Variants in BICC1 observed in about 807,000 individuals in gnomAD.
The protein encoded by BICC1 is protein bicaudal C homolog 1.
BICC1 carries 43 observed loss-of-function variants against 111.0 expected under a neutral mutation model. That is an observed-to-expected ratio of 0.39 (90% CI 0.30 to 0.50). BICC1 has a LOEUF of 0.50. Ranked by LOEUF, BICC1 falls within the 20% of genes least tolerant of loss-of-function variation. The pLI is 0.88. For synonymous variants in BICC1, 467 were observed against 434.4 expected (o/e 1.07, Z -0.93); for missense variants, 1,091 against 1,203.2 (o/e 0.91, Z 1.38).
chr10:58,627,289 T>G lies in BICC1; in HGVS notation c.237+6388T>G, dbSNP rs571096659. 5.9e-5 allele frequency among the ~76,000 whole-genome samples: 9 copies of G among 152,314 alleles called. No homozygotes were observed. The South Asian group carries it at 1.9e-3, about 32-fold the overall frequency. ...GAAATTGAATTCATGAAAATAGGTC[T>G]TTTAAGAAGGGTCACAAGACAGGAC... On this transcript the variant is annotated intron_variant, in intron 2 of 20. Transcript: ENST00000373886.
intron 2 of BICC1, among the ~76,000 whole-genome samples, chr10:58,626,930 C>T (rs528995345): frequency 1.3e-3 from 200 of 152,222 alleles, no homozygotes; most frequent in African/African-American, 4.6e-3. Flanking sequence ...CATGGAGAAA[C>T]CCCGTCTCTG....
chr10:58,750,337 T>C (rs997714688), intron 3 of BICC1, among the ~76,000 whole-genome samples: 2 of 152,136 alleles, frequency 1.3e-5, no homozygotes, highest in African/African-American at 2.4e-5. Flanking sequence ...TAATCTGGAT[T>C]ATATTTATAC....
chr10:58,707,774 C>T (rs1015361407), intron 3 of BICC1, among the ~76,000 whole-genome samples: 23 of 151,824 alleles, frequency 1.5e-4, no homozygotes, highest in Non-Finnish European at 2.1e-4. Context: ...CTCGGCTCAC[C>T]GCAACCTCCA....
At chr10:58,794,669 C>T (rs1843294888) in intron 9 of BICC1, among the ~76,000 whole-genome samples, 1 of 152,264 alleles carries the variant, frequency 6.6e-6, no homozygotes, top group African/African-American at 2.4e-5. Context: ...ATCCACCCAC[C>T]ACAGCCTCCC....
At chr10:58,583,380 C>T (rs1358363030) in intron 1 of BICC1, among the ~76,000 whole-genome samples, 1 of 152,074 alleles carries the variant, frequency 6.6e-6, no homozygotes, top group East Asian at 1.9e-4. Flanking sequence ...CACCCTTCCC[C>T]TCGAGTCCCC....
chr10:58,787,059 A>C lies in BICC1; in HGVS notation c.524A>C (p.Asn175Thr). Residue 175 changes from asparagine (N) to threonine (T), a missense_variant, in exon 5 of 21, where the codon AAC becomes ACC. Coordinates refer to ENST00000373886, the MANE Select transcript of BICC1 (RefSeq NM_001080512.3). ...CACTTTCCAGATTCCAACAGGAATA[A>C]CCAAGCAGAAAAAAGCAACCAGGTG... Reference protein sequence around the residue: ...HIHFPDSNRNNQAEKSNQVSI... With the variant: ...HIHFPDSNRNTQAEKSNQVSI... 1 of 1,589,282 alleles carries C rather than the reference A, an allele frequency of 6.3e-7. No homozygotes were observed. The highest frequency in any genetic ancestry group is 8.5e-7 in the Non-Finnish European group (1 of 1,171,808).
chr10:58,698,289 G>A (rs1221044114), intron 2 of BICC1, among the ~76,000 whole-genome samples: 1 of 152,184 alleles, frequency 6.6e-6, no homozygotes, highest in Non-Finnish European at 1.5e-5. Flanking sequence ...TGTCCTGGAT[G>A]TGTGGGGTGA....
intron 1 of BICC1, among the ~76,000 whole-genome samples, chr10:58,572,781 A>G (rs1160064570): frequency 6.6e-6 from 1 of 152,144 alleles, no homozygotes; most frequent in Non-Finnish European, 1.5e-5. Flanking sequence ...GAGATGGGAA[A>G]TGTGAGAACA....
chr10:58,604,266 G>A (rs901889544), intron 1 of BICC1, among the ~76,000 whole-genome samples: 2 of 152,288 alleles, frequency 1.3e-5, no homozygotes, highest in Non-Finnish European at 2.9e-5. Context: ...GAGGGCCACA[G>A]TGATAAACAC....
At chr10:58,729,165 G>C (rs1393602135) in intron 3 of BICC1, among the ~76,000 whole-genome samples, 2 of 152,162 alleles carry the variant, frequency 1.3e-5, no homozygotes, top group African/African-American at 4.8e-5. Context: ...TTTCTAGCTA[G>C]GAAAGTTCTA....
intron 3 of BICC1, among the ~76,000 whole-genome samples, chr10:58,702,980 A>G (rs1041929265): frequency 6.6e-6 from 1 of 152,098 alleles, no homozygotes; most frequent in Non-Finnish European, 1.5e-5. Flanking sequence ...ATGACTTACT[A>G]CTAAATGATA....
chr10:58,796,992 C>T (rs977896837), intron 10 of BICC1, among the ~76,000 whole-genome samples: 6 of 152,072 alleles, frequency 3.9e-5, no homozygotes, highest in African/African-American at 1.4e-4. Flanking sequence ...GCCTGCCTTG[C>T]CTAGATACAA....
chr10:58,684,795 C>T (rs1027133364), intron 2 of BICC1, among the ~76,000 whole-genome samples: 4 of 152,040 alleles, frequency 2.6e-5, no homozygotes, highest in East Asian at 1.9e-4. Flanking sequence ...GTGGTCTATC[C>T]GTTTTGTTGA....
chr10:58,542,841 C>A (rs1589080561), intron 1 of BICC1, among the ~76,000 whole-genome samples: 1 of 117,952 alleles, frequency 8.5e-6, no homozygotes, highest in African/African-American at 3.3e-5. Context: ...TTAGGATGGC[C>A]ATTATTAAAA....
intron 1 of BICC1, among the ~76,000 whole-genome samples, chr10:58,551,440 A>G (rs1251876440): frequency 6.6e-6 from 1 of 152,190 alleles, no homozygotes; most frequent in Non-Finnish European, 1.5e-5. Flanking sequence ...GAATAGCTCA[A>G]ATGAGCTAAT....
intron 1 of BICC1, among the ~76,000 whole-genome samples, chr10:58,536,275 A>G (rs1262257747): frequency 6.6e-6 from 1 of 151,804 alleles, no homozygotes; most frequent in African/African-American, 2.4e-5. Context: ...CAGAATATAC[A>G]TTCTTCTTAT....
At chr10:58,578,095 C>T (rs1844164589) in intron 1 of BICC1, among the ~76,000 whole-genome samples, 2 of 152,190 alleles carry the variant, frequency 1.3e-5, no homozygotes, top group South Asian at 4.2e-4. Flanking sequence ...TACTTATGGA[C>T]CTGTAAAGTG....
rs557142965 is a variant in BICC1 at position 58,547,087 on chromosome 10, C to T, written c.190+33754C>T. 9.2e-5 allele frequency among the ~76,000 whole-genome samples: 14 copies of T among 152,254 alleles called. No individual in the cohort carries two copies. The South Asian group carries it at 2.9e-3, about 32-fold the overall frequency. On this transcript the variant is annotated intron_variant, in intron 1 of 20. Transcript: ENST00000373886. The stretch of plus-strand genomic sequence containing the variant: ...AGCGAGTCCCCCTATACGCCAAACC[C>T]AGTTTCCCCTTATTATTACCATCTT...
At chr10:58,588,147 C>T (rs913877383) in intron 1 of BICC1, among the ~76,000 whole-genome samples, 15 of 152,200 alleles carry the variant, frequency 9.9e-5, no homozygotes, top group African/African-American at 3.6e-4. Context: ...AATATATGCT[C>T]TATGTATCTT....
Sources: gnomAD v4.1 joint callset for allele counts (sites outside exome capture counted in the v4.1 genomes callset) on GRCh38, gnomAD v4.1.1 for gene constraint, MANE v1.5 for transcripts, NCBI Gene and HGNC (gene_info 2026-07-23, HGNC 2026-07-21) for gene names.